The following IFNAR1 variants were observed in gnomAD, a reference collection of about 807,000 sequenced individuals.
The protein encoded by IFNAR1 is interferon alpha and beta receptor subunit 1, also known as interferon alpha/beta receptor 1.
A neutral mutation model predicts 62.1 loss-of-function variants in IFNAR1; 47 were observed. The observed-to-expected ratio is 0.76, with a 90% CI of 0.60 to 0.97. IFNAR1 has a LOEUF of 0.97. IFNAR1 is among the 50% of genes least tolerant of loss of function. IFNAR1 has a pLI of 0.00. For synonymous variants in IFNAR1, 219 were observed against 226.9 expected, an observed-to-expected ratio of 0.97 and a Z score of 0.31; for missense variants, 638 against 654.5, an observed-to-expected ratio of 0.97 and a Z score of 0.27.
chr21:33,327,972 G>T (rs1332558060), intron 1 of IFNAR1, among the ~76,000 whole-genome samples: 1 of 152,174 alleles, frequency 6.6e-6, no homozygotes, highest in Non-Finnish European at 1.5e-5. Context: ...AGGGGTTGTG[G>T]AGACCAAAAT....
intron 5 of IFNAR1, among the ~76,000 whole-genome samples, chr21:33,344,127 G>T (rs1231170150): frequency 6.6e-6 from 1 of 152,038 alleles, no homozygotes; most frequent in Non-Finnish European, 1.5e-5. Flanking sequence ...CTCCAGTCGG[G>T]AGCAAGGGGG....
Position 33,357,532 on chromosome 21 carries a change from T to C in IFNAR1, c.*1983T>C, listed in dbSNP as rs1301246536. 1 of 99,524 alleles carries C rather than the reference T, an allele frequency of 1.0e-5. No individual in the cohort carries two copies. Among genetic ancestry groups the C allele is most frequent in the East Asian group, 4.8e-4 (1 of 2,068 alleles). 6.2% of individuals were successfully genotyped at this position (99,524 alleles called of 1,614,324 possible). A position where few individuals can be genotyped will look rare whatever the true frequency, so the allele number is the denominator to read the frequency against. On this transcript the variant is annotated 3_prime_UTR_variant, in exon 11 of 11. Coordinates refer to ENST00000270139, the MANE Select transcript of IFNAR1 (RefSeq NM_000629.3). ...TTTCATCTTTCTGACCAGAGGCTGTTTTTTTTTTTTTTTGAGACAGTCTCA... is the reference window on the plus strand; with the variant it reads ...TTTCATCTTTCTGACCAGAGGCTGTCTTTTTTTTTTTTTGAGACAGTCTCA...
intron 1 of IFNAR1, chr21:33,334,643 A>C (rs527965976): frequency 1.4e-6 from 1 of 705,482 alleles, no homozygotes; most frequent in Admixed American, 1.9e-5. Flanking sequence ...AGGCAGGTGC[A>C]ATGGCTTCTG....
chr21:33,343,985 G>A (rs530728755), intron 5 of IFNAR1, among the ~76,000 whole-genome samples: 2 of 152,180 alleles, frequency 1.3e-5, no homozygotes, highest in East Asian at 1.9e-4. Flanking sequence ...GGAAAACCCC[G>A]TGTCTACTAA....
At chr21:33,333,614 A>ATATTTTTTTTTTTTTTTTT (rs2083202193) in intron 1 of IFNAR1, among the ~76,000 whole-genome samples, 1 of 107,010 alleles carries the variant, frequency 9.3e-6, no homozygotes, top group Non-Finnish European at 1.8e-5. Context: ...CTGGCGGAAT[A>ATATTTTTTTTTTTTTTTTT]TTTTTTTTTT....
chr21:33,345,392 C>A (rs1397150491), intron 6 of IFNAR1, 32 bp downstream of exon 6: 1 of 1,244,642 alleles, frequency 8.0e-7, no homozygotes. Flanking sequence ...TCCTTTTGCC[C>A]AGTTTGTTTT....
At chr21:33,334,591 G>T (rs2083215105) in intron 1 of IFNAR1, 2 of 593,446 alleles carry the variant, frequency 3.4e-6, no homozygotes, top group East Asian at 4.2e-5. Context: ...GTCCTGAAAG[G>T]TGAAATGAAA....
intron 2 of IFNAR1, among the ~76,000 whole-genome samples, chr21:33,337,675 T>TA (rs1194805148): frequency 2.2e-4 from 10 of 45,564 alleles, no homozygotes; most frequent in African/African-American, 1.0e-3. Context: ...TTACACTATA[T>TA]ATAATACATA....
chr21:33,350,625 C>T (rs1409102651), intron 8 of IFNAR1, among the ~76,000 whole-genome samples: 2 of 152,186 alleles, frequency 1.3e-5, no homozygotes. Flanking sequence ...TCACTTCCCC[C>T]TCGTGGACTT....
At chr21:33,335,020 C>G in intron 1 of IFNAR1, 1 of 1,465,012 alleles carries the variant, frequency 6.8e-7, no homozygotes, top group South Asian at 1.1e-5. Flanking sequence ...TGGCACTGGT[C>G]AATTATTTGT....
At chr21:33,341,539 T>C (rs1349383199) in intron 3 of IFNAR1, among the ~76,000 whole-genome samples, 1 of 152,214 alleles carries the variant, frequency 6.6e-6, no homozygotes, top group East Asian at 1.9e-4. Context: ...AACATAGAAT[T>C]CAATGTGAAA....
Position 33,349,529 on chromosome 21 carries a change from A to T in IFNAR1, c.1129A>T (p.Thr377Ser). Residue 377 changes from threonine to serine, a missense_variant, in exon 8 of 11, where the codon ACT becomes TCT. Physicochemically the swap from Thr to Ser is moderately conservative, Grantham distance 58 (BLOSUM62 1). Coordinates refer to ENST00000270139, the MANE Select transcript of IFNAR1 (RefSeq NM_000629.3). ...LIYEIIFWEN[T>S]SNAERKIIEK... is the part of the protein sequence containing the mutation. The stretch of plus-strand genomic sequence containing the variant: ...TTATGAAATTATTTTTTGGGAAAAC[A>T]CTTCAAATGCTGAGGTAAAAAGACT... The T allele has an allele frequency of 6.2e-7, 1 of 1,605,334 alleles. No homozygotes were observed. The highest frequency in any genetic ancestry group is 8.5e-7 in the Non-Finnish European group (1 of 1,174,580).
At chr21:33,331,528 C>T (rs986200549) in intron 1 of IFNAR1, among the ~76,000 whole-genome samples, 1 of 152,150 alleles carries the variant, frequency 6.6e-6, no homozygotes, top group East Asian at 1.9e-4. Flanking sequence ...TGGAGCTGGA[C>T]TAGTCCTCTA....
Position 33,357,530 on chromosome 21 carries a change from G to GTTTTTGTTTTTTTTTTTTTTT in IFNAR1, c.*1986_*1987insGTTTTTTTTTTTTTTTTTTTT, listed in dbSNP as rs753779784. 7 of 139,670 alleles carry GTTTTTGTTTTTTTTTTTTTTT rather than the reference G, an allele frequency of 5.0e-5. No homozygotes were observed. The highest frequency in any genetic ancestry group is 1.6e-4 in the African/African-American group (6 of 37,282). The allele number at this position is 139,670 out of a possible 1,614,324, so 8.7% of individuals were successfully genotyped here. On this transcript the variant is annotated 3_prime_UTR_variant, in exon 11 of 11. Coordinates refer to ENST00000270139, the MANE Select transcript of IFNAR1 (RefSeq NM_000629.3). ...ATTTTCATCTTTCTGACCAGAGGCT[G>GTTTTTGTTTTTTTTTTTTTTT]TTTTTTTTTTTTTTTGAGACAGTCT... is the stretch of plus-strand genomic sequence containing the variant.
intron 6 of IFNAR1, among the ~76,000 whole-genome samples, chr21:33,348,336 G>T (rs2083368078): frequency 6.6e-6 from 1 of 152,130 alleles, no homozygotes; most frequent in African/African-American, 2.4e-5. Flanking sequence ...CCAGCCTGAT[G>T]TCCCTGAATA....
intron 1 of IFNAR1, among the ~76,000 whole-genome samples, chr21:33,330,531 TAAAC>T (rs2083166755): frequency 6.6e-6 from 1 of 152,044 alleles, no homozygotes; most frequent in African/African-American, 2.4e-5. Flanking sequence ...ACACAGCAAT[TAAAC>T]AAAGCAAACA....
intron 6 of IFNAR1, among the ~76,000 whole-genome samples, chr21:33,348,224 C>T (rs752389447): frequency 3.9e-5 from 6 of 152,122 alleles, no homozygotes; most frequent in South Asian, 2.1e-4. Flanking sequence ...GGTATGCTGG[C>T]GCATGTTTAG....
Position 33,337,725 on chromosome 21 carries a change from A to G in IFNAR1, c.200+2078A>G, listed in dbSNP as rs563333765. Reference sequence around the variant, plus strand: ...ATACACACATTGTGTATACATACATATACACACATTGTGTATACATACATA... The same window carrying G: ...ATACACACATTGTGTATACATACATGTACACACATTGTGTATACATACATA... On this transcript the variant is annotated intron_variant, in intron 2 of 10. Transcript: ENST00000270139. 1.8e-4 allele frequency among the ~76,000 whole-genome samples: 27 copies of G among 152,278 alleles called. 1 individual carries two copies. In the South Asian group the frequency reaches 5.2e-3, roughly 29 times the overall value.
rs2083380559 is a variant in IFNAR1 at position 33,349,472 on chromosome 21, AAC to A, written c.1075_1076del (p.Thr359AlafsTer11). 6.2e-7 allele frequency: 1 copy of A among 1,611,078 alleles called. No individual in the cohort carries two copies. The highest frequency in any genetic ancestry group is 1.7e-5 in the Admixed American group (1 of 59,972). ...TATCGGTGCTCCAAAACAGTCTGGA[AAC>A]ACGCCTGTGATCCAGGATTATCCAC... ...IYIGAPKQSG[N>X]TPVIQDYPLI... On this transcript the variant is annotated frameshift_variant, in exon 8 of 11. Coordinates refer to ENST00000270139, the MANE Select transcript of IFNAR1 (RefSeq NM_000629.3). LOFTEE classifies it high-confidence loss of function.
Sources: gnomAD v4.1 joint callset for allele counts (sites outside exome capture counted in the v4.1 genomes callset) on GRCh38, gnomAD v4.1.1 for gene constraint, MANE v1.5 for transcripts, NCBI Gene and HGNC (gene_info 2026-07-23, HGNC 2026-07-21) for gene names.